NCOA3: variants seen among roughly 807,000 people sequenced by gnomAD.
The protein encoded by NCOA3 is nuclear receptor coactivator 3.
Under a neutral mutation model 158.8 loss-of-function variants are expected in NCOA3, and 51 were observed. The ratio of observed to expected loss-of-function variants is 0.32; its 90% confidence interval spans 0.26 to 0.41. The LOEUF is 0.41. Among genes scored for constraint, NCOA3 ranks in the 10% least tolerant of loss-of-function variants. The probability of loss-of-function intolerance (pLI) is 1.00; values close to 1 mark genes in which losing one functional copy is unlikely to be tolerated. For missense variants in NCOA3, 1,510 were observed against 1,746.6 expected (o/e 0.86, Z 2.41); for synonymous variants, 537 against 592.4 (o/e 0.91, Z 1.36).
chr20:47,585,179 G>A (rs938859667), intron 2 of NCOA3, among the ~76,000 whole-genome samples: 3 of 148,396 alleles, frequency 2.0e-5, no homozygotes, highest in South Asian at 2.1e-4. Context: ...AGCCTCCCAA[G>A]TAGCTGGGAT....
chr20:47,606,198 C>A (rs1463047965), intron 2 of NCOA3, among the ~76,000 whole-genome samples: 2 of 152,218 alleles, frequency 1.3e-5, no homozygotes, highest in Non-Finnish European at 2.9e-5. Flanking sequence ...GACCCAGTTT[C>A]AGGCTCTCAG....
chr20:47,624,556 A>T (rs1169417067), intron 4 of NCOA3, among the ~76,000 whole-genome samples: 2 of 152,166 alleles, frequency 1.3e-5, no homozygotes, highest in Non-Finnish European at 2.9e-5. Context: ...AACTTTGCTC[A>T]CTTGCCCACT....
chr20:47,553,628 TA>T (rs2146162309), intron 1 of NCOA3, among the ~76,000 whole-genome samples: 1 of 141,466 alleles, frequency 7.1e-6, no homozygotes, highest in South Asian at 2.4e-4. Context: ...AATTCCCACC[TA>T]TGAGTGAGAA....
intron 1 of NCOA3, among the ~76,000 whole-genome samples, chr20:47,511,523 A>C (rs1228364327): frequency 5.1e-4 from 6 of 11,778 alleles, no homozygotes; most frequent in African/African-American, 8.7e-4. Flanking sequence ...ATCTCTCTCG[A>C]GATATATATA....
chr20:47,562,537 G>T (rs1323389416), intron 1 of NCOA3, among the ~76,000 whole-genome samples: 1 of 149,610 alleles, frequency 6.7e-6, no homozygotes, highest in Non-Finnish European at 1.5e-5. Flanking sequence ...CATCTGTCTT[G>T]ATTTTTTTTT....
At chr20:47,640,718 A>T (rs1360176907) in intron 16 of NCOA3, among the ~76,000 whole-genome samples, 1 of 122,138 alleles carries the variant, frequency 8.2e-6, no homozygotes, top group African/African-American at 2.9e-5. Context: ...TGTCTCTACT[A>T]AAAAAAAAAA....
chr20:47,602,811 G>A (rs1183420148), intron 2 of NCOA3, among the ~76,000 whole-genome samples: 1 of 152,108 alleles, frequency 6.6e-6, no homozygotes, highest in Non-Finnish European at 1.5e-5. Context: ...TACTTAAATA[G>A]CTCTCTCTTA....
intron 1 of NCOA3, among the ~76,000 whole-genome samples, chr20:47,514,827 G>A (rs1250750418): frequency 6.8e-6 from 1 of 147,824 alleles, no homozygotes; most frequent in African/African-American, 2.5e-5. Context: ...TGGGATTACA[G>A]GTGCCTGCCA....
intron 8 of NCOA3, 93 bp downstream of exon 8, chr20:47,628,116 C>T: frequency 1.2e-6 from 1 of 842,712 alleles, no homozygotes; most frequent in Non-Finnish European, 1.9e-6. Flanking sequence ...TTAATCTGTA[C>T]TATCATAGAA....
At chr20:47,634,618 G>A (rs773909094) in intron 10 of NCOA3, among the ~76,000 whole-genome samples, 1 of 152,180 alleles carries the variant, frequency 6.6e-6, no homozygotes, top group Non-Finnish European at 1.5e-5. Context: ...ATTATCTTGA[G>A]TAATTTGCAG....
chr20:47,624,171 CATGGACCTGG>C, intron 4 of NCOA3, 88 bp downstream of exon 4: 1 of 1,144,564 alleles, frequency 8.7e-7, no homozygotes, highest in Non-Finnish European at 1.2e-6. Flanking sequence ...CCAGTTTTTC[CATGGACCTGG>C]TAGAGGGGAT....
intron 1 of NCOA3, among the ~76,000 whole-genome samples, chr20:47,549,095 C>T (rs962235575): frequency 2.6e-5 from 4 of 151,964 alleles, no homozygotes; most frequent in Non-Finnish European, 4.4e-5. Flanking sequence ...CTAGGGTGGT[C>T]TCGAGCTCTT....
At chr20:47,653,121 G>A (rs770714822) in intron 22 of NCOA3, 49 bp downstream of exon 22, 29 of 1,595,136 alleles carry the variant, frequency 1.8e-5, no homozygotes, top group Admixed American at 1.7e-4. Context: ...CTTGTTCTCT[G>A]GATAGAACTA....
At chr20:47,532,320 AT>A (rs1217519865) in intron 1 of NCOA3, among the ~76,000 whole-genome samples, 1 of 152,114 alleles carries the variant, frequency 6.6e-6, no homozygotes, top group Non-Finnish European at 1.5e-5. Flanking sequence ...TTCTTAGTGA[AT>A]TTGAAGAACA....
chr20:47,509,000 T>C (rs2084072063), intron 1 of NCOA3, among the ~76,000 whole-genome samples: 1 of 152,236 alleles, frequency 6.6e-6, no homozygotes. Context: ...TGTAGATATG[T>C]ACAATGCTCT....
At chr20:47,524,374 G>T (rs530031827) in intron 1 of NCOA3, among the ~76,000 whole-genome samples, 1 of 152,158 alleles carries the variant, frequency 6.6e-6, no homozygotes, top group Non-Finnish European at 1.5e-5. Context: ...TTGGCGACAG[G>T]GTAGCTGGAA....
chr20:47,576,527 C>T (rs1191244019), intron 1 of NCOA3, among the ~76,000 whole-genome samples: 1 of 152,096 alleles, frequency 6.6e-6, no homozygotes, highest in Non-Finnish European at 1.5e-5. Flanking sequence ...TCATTTCTCC[C>T]CTCAAACACC....
rs1233144412 is a variant in NCOA3 at position 47,520,642 on chromosome 20, A to G, written c.-99+18623A>G. ...GCCTTGCCTGCCCTGGAAGGCTCAA[A>G]CCCTCAAATTAGGGATGTCTTGTCT... On this transcript the variant is annotated intron_variant, in intron 1 of 22. Transcript: ENST00000371998. 1.5e-4 allele frequency among the ~76,000 whole-genome samples: 22 copies of G among 151,076 alleles called. 1 individual carries two copies.
chr20:47,558,997 A>G (rs2085057491), intron 1 of NCOA3, among the ~76,000 whole-genome samples: 2 of 152,060 alleles, frequency 1.3e-5, no homozygotes, highest in Admixed American at 1.3e-4. Flanking sequence ...TGGCATCTTC[A>G]ATGGTGTAAT....
Sources: gnomAD v4.1 joint callset for allele counts (sites outside exome capture counted in the v4.1 genomes callset) on GRCh38, gnomAD v4.1.1 for gene constraint, MANE v1.5 for transcripts, NCBI Gene and HGNC (gene_info 2026-07-23, HGNC 2026-07-21) for gene names.